Variants in PHF20 observed in about 807,000 individuals in gnomAD.
PHF20 encodes the protein PHD finger protein 20.
A neutral mutation model predicts 113.5 loss-of-function variants in PHF20; 23 were observed. The ratio of observed to expected loss-of-function variants is 0.20; its 90% CI spans 0.15 to 0.29. PHF20 has a LOEUF of 0.29. Among genes scored for constraint, PHF20 ranks in the 10% least tolerant of loss-of-function variants. The pLI is 1.00. For synonymous variants in PHF20, 434 were observed against 457.3 expected, an observed-to-expected ratio of 0.95 and a Z score of 0.65; for missense variants, 943 against 1,219.6, an observed-to-expected ratio of 0.77 and a Z score of 3.38.
intron 2 of PHF20, among the ~76,000 whole-genome samples, chr20:35,821,308 G>A (rs115392089): frequency 0.034 from 5,119 of 151,708 alleles, 300 homozygotes; most frequent in African/African-American, 0.12. Context: ...GTTGGTGGGC[G>A]CCTGTAATCC....
chr20:35,811,805 C>G (rs1047595029), intron 2 of PHF20, among the ~76,000 whole-genome samples: 5 of 150,782 alleles, frequency 3.3e-5, no homozygotes, highest in African/African-American at 9.8e-5. Context: ...GAGTCTCGCT[C>G]TGTCTCCCAG....
intron 4 of PHF20, chr20:35,855,167 G>C: frequency 1.4e-6 from 1 of 720,458 alleles, no homozygotes; most frequent in Non-Finnish European, 1.9e-6. Context: ...AGACTTGCCA[G>C]AGTTGCACCA....
rs772789933 is a variant in PHF20 at position 35,863,145 on chromosome 20, T to C, written c.553T>C (p.Leu185=). The change falls in exon 6 of 18, where the codon TTA becomes CTA. Residue 185 remains leucine (L), a synonymous_variant. Transcript: ENST00000374012. ...NVKKDKEDKP[L]KTEKRPKQPD... is the part of the protein sequence containing the mutation. ...GAAGAAAGACAAAGAAGATAAACCC[T>C]TAAAGACAGAAAAGCGACCCAAGCA... The C allele has an allele frequency of 3.1e-6, 5 of 1,613,888 alleles. 1 individual carries two copies. The South Asian group carries it at 5.5e-5, about 18-fold the overall frequency.
rs1555789374 is a variant in PHF20 at position 35,814,887 on chromosome 20, A to AAT, written c.83+13283_83+13284insTA. Among the ~76,000 whole-genome samples, 688 of 147,100 alleles carry AAT rather than the reference A, an allele frequency of 4.7e-3. 7 individuals carry two copies. Among genetic ancestry groups the AAT allele is most frequent in the African/African-American group, 9.3e-3 (368 of 39,590 alleles). ...GACTCCGTCTCAAAAAAAAAAAAAA[A>AAT]AAATAAAATAAATAAATAAATAAAT... On this transcript the variant is annotated intron_variant, in intron 2 of 17. Coordinates refer to ENST00000374012, the MANE Select transcript of PHF20 (RefSeq NM_016436.5).
intron 1 of PHF20, among the ~76,000 whole-genome samples, chr20:35,772,450 C>A (rs2041079983): frequency 6.6e-6 from 1 of 152,204 alleles, no homozygotes; most frequent in Non-Finnish European, 1.5e-5. Flanking sequence ...CACCTAGAGC[C>A]TCATCAGCAG....
chr20:35,934,475 T>TA (rs773863119), intron 15 of PHF20, among the ~76,000 whole-genome samples: 7 of 152,274 alleles, frequency 4.6e-5, no homozygotes, highest in Non-Finnish European at 5.9e-5. Context: ...CCTTCTGTCT[T>TA]ACGGCTCCAG....
intron 9 of PHF20, among the ~76,000 whole-genome samples, chr20:35,880,694 C>T (rs930920018): frequency 6.6e-6 from 1 of 152,130 alleles, no homozygotes; most frequent in Non-Finnish European, 1.5e-5. Context: ...GATGCGGTGG[C>T]TCATGCCTGT....
chr20:35,905,169 G>A (rs2055180999), intron 10 of PHF20, among the ~76,000 whole-genome samples: 1 of 152,160 alleles, frequency 6.6e-6, no homozygotes, highest in South Asian at 2.1e-4. Context: ...AGGTATGCAT[G>A]AGACCAGGCC....
intron 1 of PHF20, among the ~76,000 whole-genome samples, chr20:35,791,537 G>GTGTATATATATATATA (rs372219422): frequency 3.1e-5 from 4 of 127,232 alleles, no homozygotes; most frequent in African/African-American, 1.2e-4. Flanking sequence ...TTAGAATAGT[G>GTGTATATATATATATA]TATATATATA....
At chr20:35,862,216 G>C (rs553659890) in intron 5 of PHF20, among the ~76,000 whole-genome samples, 40 of 152,316 alleles carry the variant, frequency 2.6e-4, no homozygotes, top group Admixed American at 2.6e-3. Flanking sequence ...TTACCTGATA[G>C]AGAAAGCAGA....
chr20:35,798,550 G>T (rs1296256389), intron 1 of PHF20, among the ~76,000 whole-genome samples: 2 of 151,798 alleles, frequency 1.3e-5, no homozygotes, highest in African/African-American at 4.8e-5. Flanking sequence ...CACCTCCTGG[G>T]TTCAAGTGAT....
intron 10 of PHF20, among the ~76,000 whole-genome samples, chr20:35,901,521 T>C (rs765528718): frequency 2.0e-5 from 3 of 152,160 alleles, no homozygotes; most frequent in South Asian, 4.1e-4. Flanking sequence ...GGATTGGGCT[T>C]TTTACTTGAA....
chr20:35,834,672 C>T (rs993906818), intron 2 of PHF20, among the ~76,000 whole-genome samples: 3 of 152,064 alleles, frequency 2.0e-5, no homozygotes, highest in Non-Finnish European at 2.9e-5. Flanking sequence ...CTCTTGCCAC[C>T]CTAGGGGCTC....
intron 10 of PHF20, among the ~76,000 whole-genome samples, chr20:35,903,888 G>A (rs1481259193): frequency 6.6e-6 from 1 of 152,176 alleles, no homozygotes; most frequent in Non-Finnish European, 1.5e-5. Context: ...CAGCTCTCCA[G>A]AAGGCACCCC....
At chr20:35,847,282 G>T in intron 3 of PHF20, 68 bp from the exon 4 acceptor site, 1 of 989,772 alleles carries the variant, frequency 1.0e-6, no homozygotes, top group Non-Finnish European at 1.5e-6. Context: ...ATGAGATCTG[G>T]TATGTCCTGT....
chr20:35,811,131 C>T (rs1233198440), intron 2 of PHF20, among the ~76,000 whole-genome samples: 2 of 152,078 alleles, frequency 1.3e-5, no homozygotes, highest in Non-Finnish European at 2.9e-5. Flanking sequence ...ACTGCAACCT[C>T]CGCCTCCAGG....
intron 2 of PHF20, among the ~76,000 whole-genome samples, chr20:35,809,344 C>T (rs1379891334): frequency 6.6e-6 from 1 of 151,920 alleles, no homozygotes; most frequent in Non-Finnish European, 1.5e-5. Flanking sequence ...TTTGGGAGGC[C>T]AAGCCTGGTG....
At chr20:35,863,483 C>G (rs148610392) in intron 6 of PHF20, 83 bp downstream of exon 6, 2 of 1,317,128 alleles carry the variant, frequency 1.5e-6, no homozygotes, top group Non-Finnish European at 2.1e-6. Flanking sequence ...AACTTGTGTA[C>G]GTCAATCGTT....
intron 1 of PHF20, among the ~76,000 whole-genome samples, chr20:35,787,215 T>C (rs201515383): frequency 6.6e-6 from 1 of 151,860 alleles, no homozygotes; most frequent in Non-Finnish European, 1.5e-5. Flanking sequence ...GTTTCACTCT[T>C]GTTGCCCAGG....
Sources: gnomAD v4.1 joint callset for allele counts (sites outside exome capture counted in the v4.1 genomes callset) on GRCh38, gnomAD v4.1.1 for gene constraint, MANE v1.5 for transcripts, NCBI Gene and HGNC (gene_info 2026-07-23, HGNC 2026-07-21) for gene names.